L2HGDH: variants seen among roughly 807,000 people sequenced by gnomAD.
L2HGDH encodes the protein L-2-hydroxyglutarate dehydrogenase, also known as L-2-hydroxyglutarate dehydrogenase, mitochondrial.
Under a neutral mutation model 51.5 loss-of-function variants are expected in L2HGDH, and 34 were observed. That is an observed-to-expected ratio of 0.66 (90% confidence interval 0.50 to 0.88). L2HGDH has a LOEUF of 0.88. Ranked by LOEUF, L2HGDH falls within the 40% of genes least tolerant of loss-of-function variation. The probability of loss-of-function intolerance (pLI) is 0.00; values close to 1 mark genes in which losing one functional copy is unlikely to be tolerated. For missense variants in L2HGDH, 558 were observed against 571.9 expected (o/e 0.98, Z 0.25); for synonymous variants, 198 against 197.9 (o/e 1.00, Z -0.01).
intron 9 of L2HGDH, among the ~76,000 whole-genome samples, chr14:50,258,648 G>C (rs1401526273): frequency 6.6e-6 from 1 of 151,802 alleles, no homozygotes; most frequent in Non-Finnish European, 1.5e-5. Context: ...AGAGTAGGTG[G>C]GACTACAGGA....
intron 1 of L2HGDH, among the ~76,000 whole-genome samples, chr14:50,307,279 C>T (rs1390152438): frequency 1.3e-5 from 2 of 152,196 alleles, no homozygotes; most frequent in East Asian, 1.9e-4. Flanking sequence ...AACTATCATA[C>T]TGAATATGCT....
intron 9 of L2HGDH, among the ~76,000 whole-genome samples, chr14:50,254,063 G>A (rs1888515209): frequency 1.3e-5 from 2 of 152,046 alleles, no homozygotes; most frequent in Admixed American, 1.3e-4. Context: ...GGGAGGTGGG[G>A]ATGGTTAATG....
At chr14:50,310,716 A>T (rs1291147591) in intron 1 of L2HGDH, among the ~76,000 whole-genome samples, 1 of 152,004 alleles carries the variant, frequency 6.6e-6, no homozygotes, top group African/African-American at 2.4e-5. Context: ...AAAATTTTTT[A>T]AAAAAACATT....
intron 9 of L2HGDH, 138 bp from the exon 10 acceptor site, chr14:50,247,391 A>T (rs1888070084): frequency 7.3e-7 from 1 of 1,375,470 alleles, no homozygotes; most frequent in Non-Finnish European, 9.8e-7. Context: ...GTTTATGTTT[A>T]ACCAAAGGCT....
chr14:50,258,633 C>A (rs903952673), intron 9 of L2HGDH, among the ~76,000 whole-genome samples: 6 of 152,004 alleles, frequency 3.9e-5, no homozygotes, highest in Non-Finnish European at 5.9e-5. Context: ...CCTGCCTCAG[C>A]TTCCAGAGTA....
At chr14:50,302,355 C>A (rs1350751482) in intron 2 of L2HGDH, among the ~76,000 whole-genome samples, 187 bp from the exon 3 acceptor site, 1 of 152,212 alleles carries the variant, frequency 6.6e-6, no homozygotes, top group Non-Finnish European at 1.5e-5. Flanking sequence ...TCCAGCCCAT[C>A]TCTGATTTCA....
At chr14:50,301,917 A>G in intron 3 of L2HGDH, 100 bp downstream of exon 3, 2 of 1,200,026 alleles carry the variant, frequency 1.7e-6, no homozygotes, top group South Asian at 1.3e-5. Flanking sequence ...AAAATTACAT[A>G]GATACAAAGA....
intron 3 of L2HGDH, 108 bp downstream of exon 3, chr14:50,301,909 A>G: frequency 8.7e-7 from 1 of 1,149,194 alleles, no homozygotes; most frequent in Admixed American, 2.1e-5. Flanking sequence ...AGATTTGAAA[A>G]ATTACATAGA....
In L2HGDH at chr14:50,245,114, C is replaced by G; in HGVS notation, c.*1944G>C. On this transcript the variant is annotated 3_prime_UTR_variant, in exon 10 of 10. Coordinates refer to ENST00000267436, the MANE Select transcript of L2HGDH (RefSeq NM_024884.3). ...GAATGTAAGGCACTTTCGCGGTTTA[C>G]AAAAGTGAATGCCTCAAAGTTAGAT... 1.0e-6 allele frequency: 1 copy of G among 985,618 alleles called. No homozygotes were observed. The highest frequency in any genetic ancestry group is 1.2e-6 in the Non-Finnish European group (1 of 829,900). 61.1% of individuals were successfully genotyped at this position (985,618 alleles called of 1,614,324 possible). A position where few individuals can be genotyped will look rare whatever the true frequency, so the allele number is the denominator to read the frequency against.
Position 50,278,568 on chromosome 14 carries a change from A to C in L2HGDH, c.704-14T>G. ...GATATTGCATTCCTGAAAAAAAAGA[A>C]TAAGTGAAAAATTTATTTTTAGCAA... On this transcript the variant is annotated splice_polypyrimidine_tract_variant and intron_variant, in intron 5 of 9. Transcript: ENST00000267436. 7.5e-7 allele frequency: 1 copy of C among 1,338,218 alleles called. No individual in the cohort carries two copies. The highest frequency in any genetic ancestry group is 1.1e-6 in the Non-Finnish European group (1 of 943,606). The allele number at this position is 1,338,218 out of a possible 1,614,324, so 82.9% of individuals were successfully genotyped here. A position where few individuals can be genotyped will look rare whatever the true frequency, so the allele number is the denominator to read the frequency against.
intron 4 of L2HGDH, among the ~76,000 whole-genome samples, chr14:50,292,771 G>C (rs1021383549): frequency 1.3e-5 from 2 of 152,040 alleles, no homozygotes; most frequent in African/African-American, 4.8e-5. Context: ...TGTAATCCCA[G>C]CTACTAGAGA....
chr14:50,260,779 T>C (rs1888970497), intron 9 of L2HGDH, among the ~76,000 whole-genome samples: 2 of 152,174 alleles, frequency 1.3e-5, no homozygotes, highest in African/African-American at 2.4e-5. Flanking sequence ...TATTTTTGGT[T>C]GCCACAATTA....
chr14:50,287,436 C>T (rs1890620638), intron 4 of L2HGDH: 10 of 418,302 alleles, frequency 2.4e-5, no homozygotes, highest in Non-Finnish European at 3.2e-5. Flanking sequence ...AAATTATTTT[C>T]ATGACCAAAT....
At chr14:50,274,820 C>T (rs948995424) in intron 6 of L2HGDH, among the ~76,000 whole-genome samples, 1 of 152,082 alleles carries the variant, frequency 6.6e-6, no homozygotes, top group African/African-American at 2.4e-5. Flanking sequence ...CCATTTGTGA[C>T]AACATGGGTG....
At chr14:50,257,696 T>A (rs968326341) in intron 9 of L2HGDH, among the ~76,000 whole-genome samples, 55 of 151,934 alleles carry the variant, frequency 3.6e-4, no homozygotes, top group African/African-American at 1.3e-3. Flanking sequence ...AAAAACTATA[T>A]TTTTATTTCC....
chr14:50,287,698 T>TC (rs1234440675), intron 4 of L2HGDH, among the ~76,000 whole-genome samples: 15 of 134,890 alleles, frequency 1.1e-4, no homozygotes, highest in East Asian at 1.0e-3. Context: ...TTCCTTTTTT[T>TC]TTTTTTTTTT....
chr14:50,245,103 T>A lies in L2HGDH; in HGVS notation c.*1955A>T. 1 of 985,782 alleles carries A rather than the reference T, an allele frequency of 1.0e-6. No individual in the cohort carries two copies. Among genetic ancestry groups the A allele is most frequent in the Non-Finnish European group, 1.2e-6 (1 of 829,920 alleles). 61.1% of individuals were successfully genotyped at this position (985,782 alleles called of 1,614,324 possible). On this transcript the variant is annotated 3_prime_UTR_variant, in exon 10 of 10. Transcript: ENST00000267436. ...ACTCATGAGGTGAATGTAAGGCACT[T>A]TCGCGGTTTACAAAAGTGAATGCCT...
chr14:50,302,333 A>T (rs1030016692), intron 2 of L2HGDH, among the ~76,000 whole-genome samples, 165 bp from the exon 3 acceptor site: 1 of 152,224 alleles, frequency 6.6e-6, no homozygotes, highest in South Asian at 2.1e-4. Context: ...CCTGGTATCC[A>T]TGTCACATCC....
At chr14:50,260,516 C>G (rs1354772438) in intron 9 of L2HGDH, among the ~76,000 whole-genome samples, 1 of 152,142 alleles carries the variant, frequency 6.6e-6, no homozygotes, top group Non-Finnish European at 1.5e-5. Context: ...AATTAGCAAA[C>G]CATCCCCACC....
Sources: gnomAD v4.1 joint callset for allele counts (sites outside exome capture counted in the v4.1 genomes callset) on GRCh38, gnomAD v4.1.1 for gene constraint, MANE v1.5 for transcripts, NCBI Gene and HGNC (gene_info 2026-07-23, HGNC 2026-07-21) for gene names.